Variants in PRDM10 observed in about 807,000 individuals in gnomAD.
The protein encoded by PRDM10 is PR domain zinc finger protein 10.
PRDM10 carries 65 observed loss-of-function variants against 133.1 expected under a neutral mutation model. The observed-to-expected ratio is 0.49, with a 90% CI of 0.40 to 0.60. The LOEUF is 0.60. Ranked by LOEUF, PRDM10 falls within the 20% of genes least tolerant of loss-of-function variation. The pLI, the probability that PRDM10 is intolerant of heterozygous loss-of-function variation, is 0.00. For synonymous variants in PRDM10, 582 were observed against 580.4 expected, an observed-to-expected ratio of 1.00 and a Z score of -0.04; for missense variants, 1,137 against 1,507.1, an observed-to-expected ratio of 0.75 and a Z score of 4.07.
At chr11:129,981,308 A>G (rs1239016020) in intron 1 of PRDM10, among the ~76,000 whole-genome samples, 2 of 152,134 alleles carry the variant, frequency 1.3e-5, no homozygotes, top group Non-Finnish European at 2.9e-5. Flanking sequence ...AATAAAAAGT[A>G]AAAGTTACCC....
In PRDM10 at chr11:129,901,345, C is replaced by G. The variant is rs1458727648; in HGVS notation, c.*968G>C. 6.6e-6 allele frequency: 1 copy of G among 152,634 alleles called. No homozygotes were observed. The highest frequency in any genetic ancestry group is 1.5e-5 in the Non-Finnish European group (1 of 68,034). 9.5% of individuals were successfully genotyped at this position (152,634 alleles called of 1,614,324 possible). Reference sequence around the variant, plus strand: ...ACAGCATTAAAAGTAATAAAATACACTGAACATGTCAGCAAGAGTTAAATG... The same window carrying G: ...ACAGCATTAAAAGTAATAAAATACAGTGAACATGTCAGCAAGAGTTAAATG... On this transcript the variant is annotated 3_prime_UTR_variant, in exon 21 of 21. Coordinates refer to ENST00000360871, the MANE Select transcript of PRDM10 (RefSeq NM_199437.2).
chr11:129,994,782 G>T (rs1938959766), intron 1 of PRDM10, among the ~76,000 whole-genome samples: 1 of 151,892 alleles, frequency 6.6e-6, no homozygotes, highest in African/African-American at 2.4e-5. Flanking sequence ...CTCCCGAGTA[G>T]CTGGGACCAC....
chr11:129,909,302 T>C (rs1195647221), intron 19 of PRDM10, among the ~76,000 whole-genome samples: 1 of 151,530 alleles, frequency 6.6e-6, no homozygotes, highest in Non-Finnish European at 1.5e-5. Flanking sequence ...ATACAAAAAT[T>C]AGCTGGGCGT....
At chr11:129,985,303 G>GTA (rs1259784312) in intron 1 of PRDM10, among the ~76,000 whole-genome samples, 1 of 152,032 alleles carries the variant, frequency 6.6e-6, no homozygotes, top group Non-Finnish European at 1.5e-5. Context: ...ATAGATATGT[G>GTA]TATATATATC....
At chr11:129,991,258 A>G (rs1055373643) in intron 1 of PRDM10, among the ~76,000 whole-genome samples, 4 of 152,262 alleles carry the variant, frequency 2.6e-5, no homozygotes, top group African/African-American at 9.6e-5. Flanking sequence ...AGATATTTTA[A>G]TACATTTTCA....
In PRDM10 at chr11:129,924,879, C is replaced by G; in HGVS notation, c.1878+3G>C. On this transcript the variant is annotated splice_donor_region_variant and intron_variant, in intron 12 of 20. Transcript: ENST00000360871. ...GACAGGAATCTCAGTAGTAGACACTCACCTGGATAAAATCTGGGAACCGTT... is the reference window on the plus strand; with the variant it reads ...GACAGGAATCTCAGTAGTAGACACTGACCTGGATAAAATCTGGGAACCGTT... 2 of 1,590,832 alleles carry G rather than the reference C, an allele frequency of 1.3e-6. No individual in the cohort carries two copies. Among genetic ancestry groups the G allele is most frequent in the Non-Finnish European group, 1.7e-6 (2 of 1,169,208 alleles).
chr11:129,947,597 CCT>C lies in PRDM10; in HGVS notation c.295-229_295-228del, dbSNP rs1951462714. On this transcript the variant is annotated intron_variant, in intron 4 of 20. Coordinates refer to ENST00000360871, the MANE Select transcript of PRDM10 (RefSeq NM_199437.2). The surrounding 1 kb of genome is among the most constrained non-coding windows in gnomAD (Gnocchi z 4.6). ...TTTAAGCCTCTGCCCTCCCTCTGCCCCTTCTGTCCCACACCTGGGAGGGCTGC... is the reference window on the plus strand; with the variant it reads ...TTTAAGCCTCTGCCCTCCCTCTGCCCTCTGTCCCACACCTGGGAGGGCTGC... 1 of 1,391,460 alleles carries C rather than the reference CCT, an allele frequency of 7.2e-7. No individual in the cohort carries two copies. Among genetic ancestry groups the C allele is most frequent in the Non-Finnish European group, 9.4e-7 (1 of 1,063,366 alleles). The allele number at this position is 1,391,460 out of a possible 1,614,324, so 86.2% of individuals were successfully genotyped here. A position where few individuals can be genotyped will look rare whatever the true frequency, so the allele number is the denominator to read the frequency against.
chr11:129,931,986 G>C (rs151332678), intron 10 of PRDM10, 116 bp downstream of exon 10: 4 of 1,281,824 alleles, frequency 3.1e-6, no homozygotes, highest in Non-Finnish European at 4.3e-6. Flanking sequence ...AGGCAGCAAG[G>C]TCTGATAGGA....
At chr11:129,908,353 A>G (rs1416760334) in intron 19 of PRDM10, among the ~76,000 whole-genome samples, 1 of 151,860 alleles carries the variant, frequency 6.6e-6, no homozygotes, top group African/African-American at 2.4e-5. Flanking sequence ...TCACATCTGT[A>G]AACCCAGCAC....
At chr11:129,999,331 T>A (rs1939222182) in intron 1 of PRDM10, among the ~76,000 whole-genome samples, 1 of 152,190 alleles carries the variant, frequency 6.6e-6, no homozygotes. Context: ...CTCCAAAGAT[T>A]TGGTTGTAGC....
chr11:129,944,927 G>A lies in PRDM10; in HGVS notation c.606C>T (p.Thr202=), dbSNP rs567728867. 7 of 1,613,916 alleles carry A rather than the reference G, an allele frequency of 4.3e-6. No homozygotes were observed. The highest frequency in any genetic ancestry group is 2.7e-5 in the African/African-American group (2 of 75,026). ...CCAGGGGGAGGCTCGCCCTGGCCCG[G>A]GTGAGCACCGGCCGGTTGGGGATCG... The part of the protein sequence containing the change: ...LHPIPNRPVL[T]RARASLPLVL... The change falls in exon 6 of 21, where the codon ACC becomes ACT. Residue 202 remains threonine (T), a synonymous_variant. Coordinates refer to ENST00000360871, the MANE Select transcript of PRDM10 (RefSeq NM_199437.2).
intron 11 of PRDM10, chr11:129,929,568 A>C (rs1199288116): frequency 4.3e-6 from 3 of 691,498 alleles, no homozygotes; most frequent in South Asian, 2.4e-5. Context: ...AGAAAAAAAA[A>C]CAAAATAGCT....
intron 1 of PRDM10, among the ~76,000 whole-genome samples, chr11:129,981,500 T>C (rs530244651): frequency 1.3e-5 from 2 of 152,222 alleles, no homozygotes; most frequent in South Asian, 2.1e-4. Context: ...AGAAATATAC[T>C]TTAACTTAAC....
At chr11:129,934,322 C>T (rs531537423) in intron 9 of PRDM10, among the ~76,000 whole-genome samples, 6 of 152,272 alleles carry the variant, frequency 3.9e-5, no homozygotes, top group South Asian at 2.1e-4. Context: ...CTAGAACATT[C>T]GCTTTCCCAC....
At chr11:129,964,684 G>A (rs1951868909) in intron 1 of PRDM10, among the ~76,000 whole-genome samples, 1 of 151,994 alleles carries the variant, frequency 6.6e-6, no homozygotes, top group Admixed American at 6.6e-5. Flanking sequence ...ATTCATAAAC[G>A]CTTAGGTTAT....
intron 4 of PRDM10, 97 bp downstream of exon 4, chr11:129,955,415 A>G: frequency 5.9e-6 from 7 of 1,183,656 alleles, no homozygotes; most frequent in Non-Finnish European, 8.4e-6. Context: ...CATGAGAAAC[A>G]AACATCCAGA....
At chr11:129,972,965 C>A (rs184645089) in intron 1 of PRDM10, among the ~76,000 whole-genome samples, 1 of 152,298 alleles carries the variant, frequency 6.6e-6, no homozygotes, top group Non-Finnish European at 1.5e-5. Flanking sequence ...TGGCAAGAGA[C>A]GAGCCCTCCC....
At chr11:129,906,025 T>C (rs1950005559) in intron 19 of PRDM10, among the ~76,000 whole-genome samples, 1 of 152,206 alleles carries the variant, frequency 6.6e-6, no homozygotes, top group South Asian at 2.1e-4. Flanking sequence ...TTGAAATACG[T>C]CACAAAGAGT....
intron 11 of PRDM10, among the ~76,000 whole-genome samples, chr11:129,929,975 G>C (rs1325162327): frequency 1.3e-5 from 2 of 152,224 alleles, no homozygotes; most frequent in Non-Finnish European, 2.9e-5. Flanking sequence ...AGTGAGCTGA[G>C]AGTTTCATAT....
Sources: allele counts gnomAD v4.1 joint callset (sites outside exome capture counted in the v4.1 genomes callset), GRCh38; gene constraint gnomAD v4.1.1; non-coding constraint Gnocchi (gnomAD v3.1); transcripts MANE v1.5; gene names NCBI Gene and HGNC (gene_info 2026-07-23, HGNC 2026-07-21).